Variants in CTNNA3 observed in about 807,000 individuals in gnomAD.
CTNNA3 encodes catenin alpha 3.
Under a neutral mutation model 95.7 loss-of-function variants are expected in CTNNA3, and 76 were observed. The observed-to-expected ratio is 0.79, with a 90% confidence interval of 0.66 to 0.96. The LOEUF (loss-of-function observed/expected upper bound fraction) is 0.96. Among genes scored for constraint, CTNNA3 ranks in the 40% least tolerant of loss-of-function variants. The pLI is 0.00. For synonymous variants in CTNNA3, 431 were observed against 374.4 expected (o/e 1.15, Z -1.74); for missense variants, 1,191 against 1,089.8 (o/e 1.09, Z -1.31).
chr10:67,568,695 A>G (rs755897191), intron 3 of CTNNA3, among the ~76,000 whole-genome samples: 34 of 152,104 alleles, frequency 2.2e-4, no homozygotes, highest in Non-Finnish European at 4.9e-4. Flanking sequence ...ATTTATTTAT[A>G]AAAGAAAATA....
At chr10:67,582,559 T>C (rs1054133227) in intron 3 of CTNNA3, among the ~76,000 whole-genome samples, 1 of 152,212 alleles carries the variant, frequency 6.6e-6, no homozygotes, top group African/African-American at 2.4e-5. Flanking sequence ...GAGAGCTCTG[T>C]AGATGTCTAT....
intron 7 of CTNNA3, among the ~76,000 whole-genome samples, chr10:66,957,998 G>A (rs1414127080): frequency 1.1e-4 from 16 of 151,962 alleles, no homozygotes; most frequent in Admixed American, 1.0e-3. Flanking sequence ...GCCTGGAGCA[G>A]GGTACAGAGG....
intron 5 of CTNNA3, among the ~76,000 whole-genome samples, chr10:67,298,919 A>C (rs1840152478): frequency 6.6e-6 from 1 of 150,574 alleles, no homozygotes; most frequent in Non-Finnish European, 1.5e-5. Flanking sequence ...GTCACTCTTC[A>C]TATGTTGCAT....
intron 5 of CTNNA3, among the ~76,000 whole-genome samples, chr10:67,324,844 G>C (rs1036902091): frequency 6.6e-6 from 1 of 152,172 alleles, no homozygotes; most frequent in South Asian, 2.1e-4. Context: ...ACATGTGGTA[G>C]AATTCAGCTA....
At chr10:66,923,835 A>T (rs1846922188) in intron 7 of CTNNA3, among the ~76,000 whole-genome samples, 1 of 152,202 alleles carries the variant, frequency 6.6e-6, no homozygotes, top group South Asian at 2.1e-4. Flanking sequence ...AATCAGTTAT[A>T]CTATATCCAT....
intron 7 of CTNNA3, among the ~76,000 whole-genome samples, chr10:67,135,394 G>T (rs1860246055): frequency 6.6e-6 from 1 of 152,140 alleles, no homozygotes; most frequent in Non-Finnish European, 1.5e-5. Flanking sequence ...GGACATACAG[G>T]TAAGTCACAA....
chr10:66,830,794 A>T (rs1023084917), intron 7 of CTNNA3, among the ~76,000 whole-genome samples: 1 of 151,830 alleles, frequency 6.6e-6, no homozygotes, highest in Non-Finnish European at 1.5e-5. Context: ...TATTTTTAGT[A>T]GAGACAGGGT....
chr10:67,670,904 A>G (rs924995763), intron 1 of CTNNA3, among the ~76,000 whole-genome samples: 1 of 152,150 alleles, frequency 6.6e-6, no homozygotes, highest in African/African-American at 2.4e-5. Flanking sequence ...AAATTTACAC[A>G]AATAATATTG....
At chr10:66,640,633 A>G (rs1163971834) in intron 9 of CTNNA3, among the ~76,000 whole-genome samples, 1 of 152,126 alleles carries the variant, frequency 6.6e-6, no homozygotes, top group Non-Finnish European at 1.5e-5. Context: ...AACTTAAGAA[A>G]ATCATAATAC....
chr10:67,155,024 T>C (rs1861244567), intron 7 of CTNNA3, among the ~76,000 whole-genome samples: 1 of 152,248 alleles, frequency 6.6e-6, no homozygotes, highest in African/African-American at 2.4e-5. Context: ...ATTGTTTCTT[T>C]TTTTTAGCAC....
At chr10:65,937,240 T>C (rs1775142760) in intron 17 of CTNNA3, among the ~76,000 whole-genome samples, 2 of 152,006 alleles carry the variant, frequency 1.3e-5, no homozygotes, top group South Asian at 4.1e-4. Flanking sequence ...ATAGAGTTGT[T>C]TCCCTTTCTT....
intron 9 of CTNNA3, among the ~76,000 whole-genome samples, chr10:66,668,271 C>T (rs952992946): frequency 2.2e-4 from 33 of 152,026 alleles, no homozygotes; most frequent in Non-Finnish European, 4.1e-4. Flanking sequence ...TAATGGGAAA[C>T]ATAAAAGGGA....
At chr10:66,253,671 T>A (rs765581905) in intron 13 of CTNNA3, among the ~76,000 whole-genome samples, 8 of 152,162 alleles carry the variant, frequency 5.3e-5, no homozygotes, top group Non-Finnish European at 8.8e-5. Flanking sequence ...TTTTAGGTGT[T>A]CAAGATATGT....
intron 5 of CTNNA3, among the ~76,000 whole-genome samples, chr10:67,280,659 T>C (rs914216805): frequency 2.6e-5 from 4 of 152,030 alleles, no homozygotes; most frequent in African/African-American, 9.7e-5. Context: ...TCTCCCAGTG[T>C]GCACATAGGC....
At chr10:67,354,219 G>T (rs541577541) in intron 5 of CTNNA3, among the ~76,000 whole-genome samples, 45 of 152,092 alleles carry the variant, frequency 3.0e-4, no homozygotes, top group African/African-American at 1.0e-3. Context: ...GTTAGCCAAG[G>T]GGCCTGGGAG....
chr10:65,925,424 T>C (rs895076166), intron 17 of CTNNA3, among the ~76,000 whole-genome samples: 7 of 152,240 alleles, frequency 4.6e-5, no homozygotes, highest in African/African-American at 1.7e-4. Context: ...TTTAATAACT[T>C]CTTTCTTCTA....
chr10:67,068,156 C>A (rs1856206220), intron 7 of CTNNA3, among the ~76,000 whole-genome samples: 1 of 151,870 alleles, frequency 6.6e-6, no homozygotes, highest in Non-Finnish European at 1.5e-5. Flanking sequence ...TAAGCTGAGT[C>A]AGTGGAAAAT....
intron 12 of CTNNA3, among the ~76,000 whole-genome samples, chr10:66,360,723 CCTTT>C (rs796498927): frequency 0.42 from 19,831 of 47,374 alleles, 6,136 homozygotes; most frequent in Non-Finnish European, 0.55. Flanking sequence ...TTCCTTTCTT[CCTTT>C]CTTTCTTTCT....
At chr10:65,948,217 C>G (rs964894721) in intron 17 of CTNNA3, among the ~76,000 whole-genome samples, 16 of 146,244 alleles carry the variant, frequency 1.1e-4, no homozygotes, top group Non-Finnish European at 1.8e-4. Flanking sequence ...GGAGGCGGAG[C>G]TTGCAGTGAG....
Sources: allele counts gnomAD v4.1 joint callset (sites outside exome capture counted in the v4.1 genomes callset), GRCh38; gene constraint gnomAD v4.1.1; transcripts MANE v1.5; gene names NCBI Gene and HGNC (gene_info 2026-07-23, HGNC 2026-07-21).